The following KALRN variants were observed in gnomAD, a reference collection of about 807,000 sequenced individuals.
The protein encoded by KALRN is kalirin RhoGEF kinase, also known as kalirin.
A neutral mutation model predicts 353.7 loss-of-function variants in KALRN; 70 were observed. That is an observed-to-expected ratio of 0.20 (90% CI 0.16 to 0.24). The LOEUF is 0.24. KALRN is among the 10% of genes least tolerant of loss of function. The pLI, the probability that KALRN is intolerant of heterozygous loss-of-function variation, is 1.00. For synonymous variants in KALRN, 1,391 were observed against 1,434.8 expected (o/e 0.97, Z 0.69); for missense variants, 2,791 against 3,756.7 (o/e 0.74, Z 6.72).
At chr3:124,518,904 G>A in intron 33 of KALRN, 2 of 1,008,032 alleles carry the variant, frequency 2.0e-6, no homozygotes, top group Non-Finnish European at 2.4e-6. Flanking sequence ...ATTATCAGTG[G>A]CCCCTAATCT....
intron 10 of KALRN, among the ~76,000 whole-genome samples, chr3:124,362,816 CT>C (rs2084205115): frequency 6.6e-6 from 1 of 152,138 alleles, no homozygotes; most frequent in Non-Finnish European, 1.5e-5. Context: ...TTTCATTTTT[CT>C]TTTTCTTTAG....
At chr3:124,366,893 C>CA (rs2084827211) in intron 10 of KALRN, among the ~76,000 whole-genome samples, 1 of 124,706 alleles carries the variant, frequency 8.0e-6, no homozygotes, top group African/African-American at 3.7e-5. Context: ...CTGACCCCCC[C>CA]ACCTCCCTCC....
intron 37 of KALRN, among the ~76,000 whole-genome samples, chr3:124,646,355 T>C (rs189222074): frequency 6.6e-6 from 1 of 150,678 alleles, no homozygotes; most frequent in African/African-American, 2.4e-5. Context: ...TAGTCCGACA[T>C]CTCTCTATGT....
chr3:124,656,638 A>G (rs1199067552), intron 39 of KALRN, among the ~76,000 whole-genome samples: 1 of 141,232 alleles, frequency 7.1e-6, no homozygotes, highest in Non-Finnish European at 1.6e-5. Flanking sequence ...GTAAAAATAA[A>G]ACAAAAAAAT....
intron 11 of KALRN, among the ~76,000 whole-genome samples, chr3:124,391,675 G>A (rs550158073): frequency 1.3e-5 from 2 of 152,314 alleles, no homozygotes; most frequent in South Asian, 4.1e-4. Flanking sequence ...TCATGGTTTA[G>A]TAGCACCAAC....
rs1468898707 is a variant in KALRN at position 124,152,601 on chromosome 3, T to C, written c.74-75389T>C. 2.0e-5 allele frequency: 12 copies of C among 612,390 alleles called. No homozygotes were observed. In the Admixed American group the frequency reaches 2.4e-4, roughly 12 times the overall value. 37.9% of individuals were successfully genotyped at this position (612,390 alleles called of 1,614,324 possible). A position where few individuals can be genotyped will look rare whatever the true frequency, so the allele number is the denominator to read the frequency against. On this transcript the variant is annotated intron_variant, in intron 1 of 59. Transcript: ENST00000682506. ...TCTTTCTTTCTTTCTTTCTTTTTTT[T>C]TTTTTTTTTTGAGACAGAGCCTCTC...
intron 37 of KALRN, among the ~76,000 whole-genome samples, chr3:124,649,185 C>A (rs2083097032): frequency 6.6e-6 from 1 of 152,106 alleles, no homozygotes; most frequent in South Asian, 2.1e-4. Context: ...TCTTCATATT[C>A]TCCATCTTTT....
Position 124,126,895 on chromosome 3 carries a change from A to G in KALRN, c.73+93082A>G, listed in dbSNP as rs145577071. On this transcript the variant is annotated intron_variant, in intron 1 of 59. Transcript: ENST00000682506. Reference sequence around the variant, plus strand: ...TTCCACCCCTCAATTATTCCCATCAATTGTGAACAGATGGGCACAATACTC... The same window carrying G: ...TTCCACCCCTCAATTATTCCCATCAGTTGTGAACAGATGGGCACAATACTC... Among the ~76,000 whole-genome samples, 82 of 152,276 alleles carry G rather than the reference A, an allele frequency of 5.4e-4. No individual in the cohort carries two copies. In the East Asian group the frequency reaches 0.014, roughly 27 times the overall value.
intron 14 of KALRN, among the ~76,000 whole-genome samples, chr3:124,417,735 G>A (rs780833019): frequency 1.1e-4 from 17 of 152,270 alleles, no homozygotes; most frequent in African/African-American, 2.4e-4. Context: ...GTACATGTTC[G>A]CCTGTCTCTC....
intron 11 of KALRN, among the ~76,000 whole-genome samples, chr3:124,385,249 A>C (rs2088054333): frequency 6.6e-6 from 1 of 152,130 alleles, no homozygotes; most frequent in Non-Finnish European, 1.5e-5. Context: ...TAGTGAGGAA[A>C]AGGGGTCATG....
intron 1 of KALRN, among the ~76,000 whole-genome samples, chr3:124,118,793 G>T (rs553583460): frequency 1.1e-4 from 16 of 152,270 alleles, no homozygotes; most frequent in Admixed American, 7.2e-4. Flanking sequence ...TCATTTAATT[G>T]TCACAACTCT....
intron 1 of KALRN, among the ~76,000 whole-genome samples, chr3:124,103,460 A>G (rs2062034796): frequency 6.6e-6 from 1 of 152,156 alleles, no homozygotes; most frequent in Non-Finnish European, 1.5e-5. Context: ...TCCCCAGTAT[A>G]AGTGATGGGT....
At chr3:124,549,324 C>A (rs986176244) in intron 33 of KALRN, among the ~76,000 whole-genome samples, 1 of 136,566 alleles carries the variant, frequency 7.3e-6, no homozygotes, top group Non-Finnish European at 1.5e-5. Flanking sequence ...GAAGCCAACA[C>A]ACACACACAC....
At position 124,430,692 on chromosome 3, in the gene KALRN, A is replaced by G; in HGVS notation, c.2746A>G (p.Asn916Asp). 2 of 1,614,186 alleles carry G rather than the reference A, an allele frequency of 1.2e-6. No individual in the cohort carries two copies. The highest frequency in any genetic ancestry group is 1.7e-6 in the Non-Finnish European group (2 of 1,180,000). ...GATCCGCAATGGAGAGTCAATGCTC[A>G]ACGCCAGCCTGGTCAATGCCAGCTC... The part of the protein sequence containing the change: ...GWIRNGESML[N>D]ASLVNASSLS... Residue 916 changes from asparagine to aspartate, a missense_variant, in exon 16 of 60, where the codon AAC becomes GAC. By Grantham distance (23) the Asn-to-Asp change is conservative. This residue lies in a region of KALRN where 452 missense variants were observed against 575.8 expected (regional missense o/e 0.78). Transcript: ENST00000682506.
At chr3:124,328,976 T>C (rs1386161647) in intron 7 of KALRN, among the ~76,000 whole-genome samples, 1 of 152,248 alleles carries the variant, frequency 6.6e-6, no homozygotes, top group Non-Finnish European at 1.5e-5. Flanking sequence ...ATATGGGCTG[T>C]TCTTGGCAAT....
chr3:124,413,327 A>T (rs1183836857), intron 13 of KALRN, 143 bp from the exon 14 acceptor site: 3 of 674,566 alleles, frequency 4.4e-6, no homozygotes, highest in African/African-American at 1.8e-5. Context: ...ATGTTGCTTA[A>T]ATAGTCTAAG....
intron 56 of KALRN, among the ~76,000 whole-genome samples, chr3:124,700,520 T>TAA (rs971265823): frequency 6.6e-6 from 1 of 152,332 alleles, no homozygotes; most frequent in African/African-American, 2.4e-5. Flanking sequence ...AACATGGGTA[T>TAA]AATTTTATGT....
At chr3:124,109,343 TTC>T (rs1359955401) in intron 1 of KALRN, among the ~76,000 whole-genome samples, 1 of 152,068 alleles carries the variant, frequency 6.6e-6, no homozygotes, top group Non-Finnish European at 1.5e-5. Flanking sequence ...CTCCAGTTTA[TTC>T]TCTTTTTAGC....
At chr3:124,261,492 A>G (rs2072861544) in intron 3 of KALRN, among the ~76,000 whole-genome samples, 2 of 152,226 alleles carry the variant, frequency 1.3e-5, no homozygotes, top group Admixed American at 1.3e-4. Flanking sequence ...GATGCCAATT[A>G]GATTAGGTCA....
Sources: gnomAD v4.1 joint callset for allele counts (sites outside exome capture counted in the v4.1 genomes callset) on GRCh38, gnomAD v4.1.1 for gene constraint, gnomAD v4.1.1 regional missense constraint, MANE v1.5 for transcripts, NCBI Gene and HGNC (gene_info 2026-07-23, HGNC 2026-07-21) for gene names.